PRELID2: variants seen among roughly 807,000 people sequenced by gnomAD.
The protein encoded by PRELID2 is PRELI domain containing 2, also known as PRELI domain-containing protein 2.
A neutral mutation model predicts 28.4 loss-of-function variants in PRELID2; 25 were observed. The observed-to-expected ratio is 0.88, with a 90% CI of 0.64 to 1.23. The LOEUF (loss-of-function observed/expected upper bound fraction) is 1.23. Ranked by LOEUF, PRELID2 falls within the 50% of genes most tolerant of loss-of-function variation. The pLI is 0.00. For missense variants in PRELID2, 201 were observed against 214.4 expected (o/e 0.94, Z 0.39); for synonymous variants, 76 against 71.6 (o/e 1.06, Z -0.31).
chr5:145,262,002 C>T, the PRELID2 span, among the ~76,000 whole-genome samples: 4 of 151,962 alleles, frequency 2.6e-5, no homozygotes, highest in Non-Finnish European at 5.9e-5. Context: ...GATAAGAAAA[C>T]AATCACTACA....
At chr5:145,567,812 G>A (rs1024082681) in intron 1 of PRELID2, among the ~76,000 whole-genome samples, 1 of 152,230 alleles carries the variant, frequency 6.6e-6, no homozygotes, top group East Asian at 1.9e-4. Context: ...CAGCCATGTG[G>A]AACTGCGAGT....
intron 3 of PRELID2, among the ~76,000 whole-genome samples, chr5:145,818,336 G>A (rs1320138165): frequency 3.3e-5 from 5 of 152,074 alleles, no homozygotes; most frequent in East Asian, 1.9e-4. Context: ...AGCCTCCTTC[G>A]CGTCTCCTCT....
chr5:145,733,570 C>A (rs1355402802), intron 1 of PRELID2, among the ~76,000 whole-genome samples: 1 of 152,170 alleles, frequency 6.6e-6, no homozygotes, highest in African/African-American at 2.4e-5. Flanking sequence ...GAAGCAAGAA[C>A]ATTAACATAT....
intron 3 of PRELID2, 84 bp from the exon 4 acceptor site, chr5:145,818,138 G>C: frequency 7.0e-7 from 1 of 1,421,546 alleles, no homozygotes; most frequent in Non-Finnish European, 9.6e-7. Context: ...TCTCAGTCTT[G>C]GATAACCAAG....
intron 1 of PRELID2, among the ~76,000 whole-genome samples, chr5:145,607,539 C>T (rs987528123): frequency 1.3e-4 from 20 of 151,854 alleles, no homozygotes; most frequent in Non-Finnish European, 1.5e-4. Context: ...CTTAATTTCA[C>T]GTAATTATAT....
chr5:145,330,823 AT>A, the PRELID2 span, among the ~76,000 whole-genome samples: 31 of 151,898 alleles, frequency 2.0e-4, no homozygotes, highest in African/African-American at 7.2e-4. Flanking sequence ...TAGCTTTTGA[AT>A]TTCTTTGCTC....
At chr5:145,424,810 A>G in the PRELID2 span, among the ~76,000 whole-genome samples, 3 of 152,328 alleles carry the variant, frequency 2.0e-5, no homozygotes, top group Middle Eastern at 6.8e-3. Context: ...CCAAAACTAT[A>G]AAAACCCTAG....
chr5:145,805,589 A>G (rs1397767732), intron 4 of PRELID2, among the ~76,000 whole-genome samples: 3 of 152,102 alleles, frequency 2.0e-5, no homozygotes, highest in Non-Finnish European at 2.9e-5. Context: ...CCAATATACA[A>G]CTCAAAACAA....
the PRELID2 span, among the ~76,000 whole-genome samples, chr5:145,274,966 G>A: frequency 6.6e-6 from 1 of 152,034 alleles, no homozygotes; most frequent in Non-Finnish European, 1.5e-5. Context: ...CTTTTGGATG[G>A]CCAGCTTTTC....
intron 1 of PRELID2, among the ~76,000 whole-genome samples, chr5:145,746,997 ACAATGAAC>A (rs2149747227): frequency 6.6e-6 from 1 of 152,326 alleles, no homozygotes; most frequent in African/African-American, 2.4e-5. Context: ...GAACAAAGAG[ACAATGAAC>A]CAGAATCTCT....
At chr5:145,291,335 C>CACAAAAAAAAAAAAAAA in the PRELID2 span, among the ~76,000 whole-genome samples, 4 of 57,466 alleles carry the variant, frequency 7.0e-5, no homozygotes, top group African/African-American at 4.3e-4. Context: ...GACTCTGTTT[C>CACAAAAAAAAAAAAAAA]AGAAAAAAAA....
intron 1 of PRELID2, among the ~76,000 whole-genome samples, chr5:145,480,508 ATT>A (rs1752148479): frequency 6.6e-6 from 1 of 152,190 alleles, no homozygotes; most frequent in African/African-American, 2.4e-5. Flanking sequence ...AAATAAAATA[ATT>A]AAATATGTGT....
intron 1 of PRELID2, among the ~76,000 whole-genome samples, chr5:145,656,407 T>C (rs1201479611): frequency 1.3e-5 from 2 of 152,166 alleles, no homozygotes. Context: ...ACTGGGTATA[T>C]TCCCAAAGGA....
chr5:145,408,673 A>G, the PRELID2 span, among the ~76,000 whole-genome samples: 3 of 152,108 alleles, frequency 2.0e-5, no homozygotes, highest in African/African-American at 7.2e-5. Context: ...AGACAAAGAA[A>G]AAAGCAATTG....
the PRELID2 span, among the ~76,000 whole-genome samples, chr5:145,347,898 T>A: frequency 2.0e-5 from 3 of 152,126 alleles, no homozygotes; most frequent in African/African-American, 7.2e-5. Flanking sequence ...AGACAAGGTT[T>A]ACCCCTAGCA....
chr5:145,637,005 C>T (rs1205938317), intron 1 of PRELID2, among the ~76,000 whole-genome samples: 1 of 152,022 alleles, frequency 6.6e-6, no homozygotes, highest in African/African-American at 2.4e-5. Flanking sequence ...AGGCAGAACA[C>T]AGTCAAGCAG....
intron 1 of PRELID2, among the ~76,000 whole-genome samples, chr5:145,498,281 A>G (rs4913031): frequency 8.5e-5 from 13 of 152,124 alleles, no homozygotes; most frequent in African/African-American, 2.9e-4. Flanking sequence ...AGGAAGGTCA[A>G]TATTATTTGT....
intron 1 of PRELID2, among the ~76,000 whole-genome samples, chr5:145,512,083 A>G (rs1023825691): frequency 1.3e-5 from 2 of 152,212 alleles, no homozygotes; most frequent in Admixed American, 6.5e-5. Flanking sequence ...CTAACTTGGT[A>G]CATTCACTGA....
intron 1 of PRELID2, among the ~76,000 whole-genome samples, chr5:145,608,787 T>A (rs1313049557): frequency 6.6e-6 from 1 of 152,214 alleles, no homozygotes; most frequent in African/African-American, 2.4e-5. Flanking sequence ...TGTTGGCCTC[T>A]CTGGTGAGGT....
Sources: allele counts gnomAD v4.1 joint callset (sites outside exome capture counted in the v4.1 genomes callset), GRCh38; gene constraint gnomAD v4.1.1; transcripts MANE v1.5; gene names NCBI Gene and HGNC (gene_info 2026-07-23, HGNC 2026-07-21).